LRRC7: variants seen among roughly 807,000 people sequenced by gnomAD.
The protein encoded by LRRC7 is leucine rich repeat containing 7.
LRRC7 carries 23 observed loss-of-function variants against 175.7 expected under a neutral mutation model. That is an observed-to-expected ratio of 0.13 (90% CI 0.09 to 0.19). LRRC7 has a LOEUF of 0.19. LRRC7 is among the 10% of genes least tolerant of loss of function. The pLI, the probability that LRRC7 is intolerant of heterozygous loss-of-function variation, is 1.00. For synonymous variants in LRRC7, 685 were observed against 680.9 expected, an observed-to-expected ratio of 1.01 and a Z score of -0.09; for missense variants, 1,354 against 1,904.7, an observed-to-expected ratio of 0.71 and a Z score of 5.38.
intron 25 of LRRC7, among the ~76,000 whole-genome samples, chr1:70,105,499 T>TAC (rs1303885800): frequency 6.6e-6 from 1 of 152,166 alleles, no homozygotes; most frequent in African/African-American, 2.4e-5. Context: ...TCCACACAAA[T>TAC]ATATATATAA....
intron 13 of LRRC7, 105 bp downstream of exon 13, chr1:70,013,194 C>T (rs562356098): frequency 2.7e-5 from 15 of 559,200 alleles, no homozygotes; most frequent in East Asian, 2.3e-4. Flanking sequence ...TCGACATATA[C>T]GGAATGCAAA....
At chr1:69,892,853 A>G (rs1379260578) in intron 7 of LRRC7, among the ~76,000 whole-genome samples, 2 of 152,164 alleles carry the variant, frequency 1.3e-5, no homozygotes, top group Non-Finnish European at 2.9e-5. Flanking sequence ...CCAGTACTCC[A>G]TCTTGTATCA....
chr1:69,909,143 T>A (rs1646430780), intron 7 of LRRC7, among the ~76,000 whole-genome samples: 1 of 152,140 alleles, frequency 6.6e-6, no homozygotes, highest in Non-Finnish European at 1.5e-5. Context: ...TCCATCCTTT[T>A]ATTTTGAGCC....
At chr1:69,753,241 T>G (rs1246436908) in intron 2 of LRRC7, among the ~76,000 whole-genome samples, 3 of 151,956 alleles carry the variant, frequency 2.0e-5, no homozygotes, top group African/African-American at 4.8e-5. Flanking sequence ...ACTTCCTCAT[T>G]CTGTTTTGTA....
At position 70,132,457 on chromosome 1, in the gene LRRC7, C is replaced by CTTTTTTT. The variant is rs149091576; in HGVS notation, c.*10590_*10596dup. 5.2e-5 allele frequency among the ~76,000 whole-genome samples: 4 copies of CTTTTTTT among 76,446 alleles called. No individual in the cohort carries two copies. The highest frequency in any genetic ancestry group is 4.3e-4 in the East Asian group (1 of 2,308). 50.2% of individuals were successfully genotyped at this position (76,446 alleles called of 152,430 possible). A position where few individuals can be genotyped will look rare whatever the true frequency, so the allele number is the denominator to read the frequency against. Reference sequence around the variant, plus strand: ...TTTCTTTTTTCTTTTCTTTTCTTTTCTTTTTTTTTTTTTTTTTTTTTTTTT... The same window carrying CTTTTTTT: ...TTTCTTTTTTCTTTTCTTTTCTTTTCTTTTTTTTTTTTTTTTTTTTTTTTTTTTTTTT... On this transcript the variant is annotated 3_prime_UTR_variant, in exon 27 of 27. Coordinates refer to ENST00000651989, the MANE Select transcript of LRRC7 (RefSeq NM_001370785.2).
intron 2 of LRRC7, among the ~76,000 whole-genome samples, chr1:69,734,997 T>C (rs559397122): frequency 5.7e-4 from 86 of 152,086 alleles, no homozygotes; most frequent in Non-Finnish European, 1.0e-3. Flanking sequence ...AAACCACCTA[T>C]ATAATCTTTA....
At chr1:69,729,058 A>G (rs1308893149) in intron 2 of LRRC7, among the ~76,000 whole-genome samples, 3 of 152,148 alleles carry the variant, frequency 2.0e-5, no homozygotes, top group Non-Finnish European at 4.4e-5. Flanking sequence ...TTATAAAACC[A>G]TCAGATCTCA....
At chr1:70,015,424 T>C (rs1472599981) in intron 13 of LRRC7, among the ~76,000 whole-genome samples, 2 of 152,276 alleles carry the variant, frequency 1.3e-5, no homozygotes, top group South Asian at 2.1e-4. Flanking sequence ...AAAATAAATT[T>C]ATTTATCTAT....
At chr1:69,882,693 C>T (rs893207484) in intron 7 of LRRC7, among the ~76,000 whole-genome samples, 4 of 150,566 alleles carry the variant, frequency 2.7e-5, no homozygotes, top group Non-Finnish European at 5.9e-5. Flanking sequence ...ATACATGTGC[C>T]ATGCTGGTGT....
At chr1:69,676,369 A>G (rs1427679634) in intron 1 of LRRC7, among the ~76,000 whole-genome samples, 4 of 152,096 alleles carry the variant, frequency 2.6e-5, no homozygotes, top group African/African-American at 9.6e-5. Context: ...AAAACCAGTG[A>G]TATCCCTGGT....
chr1:69,710,559 G>A (rs1436367524), intron 2 of LRRC7, among the ~76,000 whole-genome samples: 4 of 152,006 alleles, frequency 2.6e-5, no homozygotes, highest in Non-Finnish European at 4.4e-5. Context: ...TTTCTTACTG[G>A]GCGTAAGGCA....
At chr1:69,884,827 G>C (rs1197563754) in intron 7 of LRRC7, among the ~76,000 whole-genome samples, 135 of 143,470 alleles carry the variant, frequency 9.4e-4, no homozygotes, top group Non-Finnish European at 1.6e-3. Flanking sequence ...TAGCATGAAG[G>C]GTTTTTGAAT....
rs1032486234 is a variant in LRRC7, at chr1:70,122,896, A to T, written c.*1009A>T. 6.6e-6 allele frequency: 1 copy of T among 152,548 alleles called. No individual in the cohort carries two copies. The highest frequency in any genetic ancestry group is 1.5e-5 in the Non-Finnish European group (1 of 67,946). The allele number at this position is 152,548 out of a possible 1,614,324, so 9.4% of individuals were successfully genotyped here. On this transcript the variant is annotated 3_prime_UTR_variant, in exon 27 of 27. Coordinates refer to ENST00000651989, the MANE Select transcript of LRRC7 (RefSeq NM_001370785.2). ...TTGATAAAATTTATCATTACGAAAG[A>T]CTGCTGTTAGAAAGTTATGGTAGGT...
At chr1:69,983,095 A>G (rs1046571680) in intron 9 of LRRC7, among the ~76,000 whole-genome samples, 1 of 152,220 alleles carries the variant, frequency 6.6e-6, no homozygotes, top group African/African-American at 2.4e-5. Context: ...TGCTCAATGG[A>G]AAAGAAGAGT....
chr1:70,093,013 A>C (rs1207520518), intron 25 of LRRC7, among the ~76,000 whole-genome samples: 1 of 152,144 alleles, frequency 6.6e-6, no homozygotes, highest in Non-Finnish European at 1.5e-5. Flanking sequence ...GAAAAACACC[A>C]GTTCATTCAC....
At chr1:69,594,018 A>C (rs1646742851) in intron 1 of LRRC7, among the ~76,000 whole-genome samples, 2 of 152,142 alleles carry the variant, frequency 1.3e-5, no homozygotes, top group Admixed American at 1.3e-4. Flanking sequence ...TTCCTTTTGA[A>C]ATGGAGATGA....
intron 8 of LRRC7, among the ~76,000 whole-genome samples, chr1:69,936,442 C>G (rs1395836860): frequency 6.6e-6 from 1 of 152,124 alleles, no homozygotes; most frequent in Non-Finnish European, 1.5e-5. Context: ...TAATTTTCTT[C>G]AGAAAAAGAT....
chr1:69,801,640 A>G (rs1676508205), intron 4 of LRRC7, among the ~76,000 whole-genome samples: 2 of 151,328 alleles, frequency 1.3e-5, no homozygotes. Context: ...TAGTCTATCA[A>G]TTTTGTTTAT....
At chr1:69,952,157 A>T (rs1650006784) in intron 8 of LRRC7, among the ~76,000 whole-genome samples, 1 of 152,048 alleles carries the variant, frequency 6.6e-6, no homozygotes, top group South Asian at 2.1e-4. Flanking sequence ...GATGTTATAT[A>T]ATATAACTAA....
Sources: gnomAD v4.1 joint callset for allele counts (sites outside exome capture counted in the v4.1 genomes callset) on GRCh38, gnomAD v4.1.1 for gene constraint, MANE v1.5 for transcripts, NCBI Gene and HGNC (gene_info 2026-07-23, HGNC 2026-07-21) for gene names.